Variants in HIBADH observed in about 807,000 individuals in gnomAD.
HIBADH encodes the protein 3-hydroxyisobutyrate dehydrogenase, also known as 3-hydroxyisobutyrate dehydrogenase, mitochondrial.
A neutral mutation model predicts 36.1 loss-of-function variants in HIBADH; 25 were observed. The observed-to-expected ratio is 0.69, with a 90% CI of 0.50 to 0.97. The LOEUF (loss-of-function observed/expected upper bound fraction) is 0.97. Among genes scored for constraint, HIBADH ranks in the 50% least tolerant of loss-of-function variants. HIBADH has a pLI of 0.00. For missense variants in HIBADH, 421 were observed against 418.0 expected (o/e 1.01, Z -0.06); for synonymous variants, 160 against 149.5 (o/e 1.07, Z -0.51).
In HIBADH at chr7:27,632,300, A is replaced by AT. The variant is rs767397911; in HGVS notation, c.362+35dup. 22 of 1,339,306 alleles carry AT rather than the reference A, an allele frequency of 1.6e-5. No homozygotes were observed. The East Asian group carries it at 5.0e-4, about 31-fold the overall frequency. 83.0% of individuals were successfully genotyped at this position (1,339,306 alleles called of 1,614,324 possible). A position where few individuals can be genotyped will look rare whatever the true frequency, so the allele number is the denominator to read the frequency against. On this transcript the variant is annotated intron_variant, in intron 3 of 7. Coordinates refer to ENST00000265395, the MANE Select transcript of HIBADH (RefSeq NM_152740.4). ...TAACATGTGAAATTCATGAACTATC[A>AT]TAACAAGAAAATATCCACAGGTGAG...
chr7:27,643,334 G>C (rs1583616233), intron 2 of HIBADH, among the ~76,000 whole-genome samples: 1 of 152,208 alleles, frequency 6.6e-6, no homozygotes, highest in African/African-American at 2.4e-5. Context: ...CTGTTGAATG[G>C]ACAGCATGAG....
At chr7:27,629,110 T>C (rs1336972134) in intron 4 of HIBADH, among the ~76,000 whole-genome samples, 1 of 152,112 alleles carries the variant, frequency 6.6e-6, no homozygotes, top group Non-Finnish European at 1.5e-5. Context: ...TAAAAACTGA[T>C]GTATTCCTAT....
intron 4 of HIBADH, among the ~76,000 whole-genome samples, chr7:27,620,445 G>A (rs1785518026): frequency 6.6e-6 from 1 of 151,784 alleles, no homozygotes; most frequent in Non-Finnish European, 1.5e-5. Context: ...GAAGAGAATA[G>A]GATGATATAT....
At chr7:27,579,080 A>T (rs1784754916) in intron 4 of HIBADH, among the ~76,000 whole-genome samples, 2 of 152,230 alleles carry the variant, frequency 1.3e-5, no homozygotes, top group Admixed American at 1.3e-4. Context: ...AACTAAATGT[A>T]ACATATGAAC....
intron 4 of HIBADH, among the ~76,000 whole-genome samples, chr7:27,566,605 TTTTC>T (rs1333982312): frequency 6.6e-6 from 1 of 152,092 alleles, no homozygotes; most frequent in East Asian, 1.9e-4. Flanking sequence ...TTTATTTTAC[TTTTC>T]TTTTTCTAGT....
chr7:27,553,840 G>C (rs1784355163), intron 4 of HIBADH, among the ~76,000 whole-genome samples: 1 of 152,112 alleles, frequency 6.6e-6, no homozygotes, highest in Admixed American at 6.5e-5. Flanking sequence ...AGCTTTAAAA[G>C]TCATTTTTAT....
chr7:27,526,215 CAGA>C lies in HIBADH; in HGVS notation c.1007_1009del (p.Phe336del). 6.2e-7 allele frequency: 1 copy of C among 1,607,576 alleles called. No individual in the cohort carries two copies. The highest frequency in any genetic ancestry group is 1.1e-5 in the South Asian group (1 of 89,764). ...AGTGTCCGTGGCCAAAGGGCACACT[CAGA>C]AGGTCTCCTCCTCTCGTAGGAACTG... is the stretch of plus-strand genomic sequence containing the variant. On this transcript the variant is annotated inframe_deletion, in exon 8 of 8. Transcript: ENST00000265395.
Position 27,618,901 on chromosome 7 carries a change from T to G in HIBADH, c.484+10470A>C, listed in dbSNP as rs1191829518. The stretch of plus-strand genomic sequence containing the variant: ...AGCAGGTCTCCTGAGTAGTTACTCA[T>G]TATTGCAAGGACAGCACCAAGGGGA... On this transcript the variant is annotated intron_variant, in intron 4 of 7. Coordinates refer to ENST00000265395, the MANE Select transcript of HIBADH (RefSeq NM_152740.4). Among the ~76,000 whole-genome samples, 5 of 152,258 alleles carry G rather than the reference T, an allele frequency of 3.3e-5. No individual in the cohort carries two copies. The East Asian group carries it at 9.7e-4, about 29-fold the overall frequency.
intron 4 of HIBADH, among the ~76,000 whole-genome samples, chr7:27,617,604 G>A (rs1014583195): frequency 1.2e-4 from 19 of 152,138 alleles, no homozygotes; most frequent in Non-Finnish European, 2.6e-4. Flanking sequence ...GCAAACACCA[G>A]AGGCATAGAA....
chr7:27,603,960 C>T (rs548854059), intron 4 of HIBADH, among the ~76,000 whole-genome samples: 1 of 152,136 alleles, frequency 6.6e-6, no homozygotes, highest in Non-Finnish European at 1.5e-5. Context: ...CTCTCACCCC[C>T]ACACCAACAC....
chr7:27,614,350 T>C (rs1293945728), intron 4 of HIBADH, among the ~76,000 whole-genome samples: 1 of 152,126 alleles, frequency 6.6e-6, no homozygotes, highest in Non-Finnish European at 1.5e-5. Flanking sequence ...GGCAGTTAGC[T>C]TACACTTCAC....
At chr7:27,654,669 A>G (rs4722728) in intron 1 of HIBADH, among the ~76,000 whole-genome samples, 114,381 of 150,864 alleles carry the variant, frequency 0.76, 43,795 homozygotes, top group East Asian at 0.95. Flanking sequence ...CAGGGGTATG[A>G]TGATGGATAT....
chr7:27,559,440 A>G (rs569058937), intron 4 of HIBADH, among the ~76,000 whole-genome samples: 65 of 152,244 alleles, frequency 4.3e-4, no homozygotes, highest in African/African-American at 1.5e-3. Flanking sequence ...TAAGCAAAAA[A>G]GCAAGATCTC....
chr7:27,604,074 G>A (rs58231871), intron 4 of HIBADH, among the ~76,000 whole-genome samples: 31,126 of 151,882 alleles, frequency 0.2, 4,184 homozygotes, highest in East Asian at 0.53. Context: ...AGGTTCCCAT[G>A]GCAACACTCA....
chr7:27,542,026 C>T (rs1007455010), intron 5 of HIBADH, among the ~76,000 whole-genome samples: 21 of 152,068 alleles, frequency 1.4e-4, no homozygotes, highest in Non-Finnish European at 2.8e-4. Flanking sequence ...TAAATGGTGC[C>T]ATGTATGGTC....
At chr7:27,611,090 A>T (rs62454871) in intron 4 of HIBADH, among the ~76,000 whole-genome samples, 31,199 of 152,224 alleles carry the variant, frequency 0.2, 4,195 homozygotes, top group East Asian at 0.53. Context: ...AGTAGAGTAT[A>T]AAATTTGGTT....
intron 4 of HIBADH, among the ~76,000 whole-genome samples, chr7:27,582,482 AT>A (rs967619755): frequency 2.6e-5 from 4 of 152,100 alleles, no homozygotes; most frequent in African/African-American, 9.6e-5. Context: ...GACTATGGGA[AT>A]TTTTTTCTTT....
chr7:27,576,977 A>C (rs953642041), intron 4 of HIBADH, among the ~76,000 whole-genome samples: 1 of 152,198 alleles, frequency 6.6e-6, no homozygotes, highest in African/African-American at 2.4e-5. Context: ...ATTCAAAGAC[A>C]CCAACAATTT....
rs1363906150 is a variant in HIBADH, at chr7:27,541,725, C to T, written c.618+1242G>A. The T allele has an allele frequency of 6.9e-6, 3 of 433,546 alleles. No individual in the cohort carries two copies. The Admixed American group carries it at 7.8e-5, about 11-fold the overall frequency. 26.9% of individuals were successfully genotyped at this position (433,546 alleles called of 1,614,324 possible). ...CACTAGTGGCACTTTGTATGGGTCC[C>T]ATGGTGTCATTCAAGGTTTATGGTA... is the stretch of plus-strand genomic sequence containing the variant. On this transcript the variant is annotated intron_variant, in intron 5 of 7. Transcript: ENST00000265395.
Sources: allele counts gnomAD v4.1 joint callset (sites outside exome capture counted in the v4.1 genomes callset), GRCh38; gene constraint gnomAD v4.1.1; transcripts MANE v1.5; gene names NCBI Gene and HGNC (gene_info 2026-07-23, HGNC 2026-07-21).